PXDN: variants seen among roughly 807,000 people sequenced by gnomAD.
PXDN encodes peroxidasin homolog.
In PXDN, 77 loss-of-function variants were observed where a neutral mutation model predicts 140.3. The ratio of observed to expected loss-of-function variants is 0.55; its 90% CI spans 0.46 to 0.66. The LOEUF is 0.66. Among genes scored for constraint, PXDN ranks in the 30% least tolerant of loss-of-function variants. The pLI is 0.00. For missense variants in PXDN, 1,838 were observed against 2,039.5 expected (o/e 0.90, Z 1.90); for synonymous variants, 911 against 857.4 (o/e 1.06, Z -1.09).
chr2:1,706,062 G>A (rs1684598823), intron 1 of PXDN, among the ~76,000 whole-genome samples: 1 of 152,172 alleles, frequency 6.6e-6, no homozygotes, highest in South Asian at 2.1e-4. Flanking sequence ...CTCAGTCAGA[G>A]CGAGAACTTG....
rs530901488 is a variant in PXDN at position 1,660,390 on chromosome 2, C to A, written c.1837+491G>T. ...GTCAGGACGGCTCTAGGACCACCGA[C>A]TGGATCTATGTAAGGCTGCCTACGA... On this transcript the variant is annotated intron_variant, in intron 14 of 22. Coordinates refer to ENST00000252804, the MANE Select transcript of PXDN (RefSeq NM_012293.3). The surrounding 1 kb of genome is among the most constrained non-coding windows in gnomAD (Gnocchi z 4.6). Among the ~76,000 whole-genome samples the A allele has an allele frequency of 3.5e-4, 54 of 152,260 alleles. No homozygotes were observed. The highest frequency in any genetic ancestry group is 5.7e-4 in the Non-Finnish European group (39 of 68,034).
chr2:1,731,390 G>A (rs1433633465), intron 1 of PXDN, among the ~76,000 whole-genome samples: 1 of 151,956 alleles, frequency 6.6e-6, no homozygotes, highest in African/African-American at 2.4e-5. Context: ...GGGTTGAGAC[G>A]TGTGCTGTCT....
At chr2:1,696,631 T>C (rs770311354) in intron 1 of PXDN, among the ~76,000 whole-genome samples, 7 of 152,194 alleles carry the variant, frequency 4.6e-5, no homozygotes, top group Non-Finnish European at 7.3e-5. Context: ...CACCAATAGT[T>C]ATACCACACA....
chr2:1,676,851 G>T, intron 8 of PXDN, 76 bp downstream of exon 8: 1 of 1,338,264 alleles, frequency 7.5e-7, no homozygotes, highest in Non-Finnish European at 1.1e-6. Context: ...CCTTGGTGGG[G>T]AGTGAGGTGT....
At chr2:1,662,661 C>T (rs1159835168) in intron 12 of PXDN, among the ~76,000 whole-genome samples, 1 of 152,210 alleles carries the variant, frequency 6.6e-6, no homozygotes, top group Non-Finnish European at 1.5e-5. Context: ...ATCTGGGGAG[C>T]CGTTCAGGAA....
chr2:1,713,665 C>T (rs1558522583), intron 1 of PXDN, among the ~76,000 whole-genome samples: 2 of 152,310 alleles, frequency 1.3e-5, no homozygotes, highest in African/African-American at 4.8e-5. Flanking sequence ...TCGGTCCCCC[C>T]GAATGCTCGT....
intron 1 of PXDN, among the ~76,000 whole-genome samples, chr2:1,723,035 G>T (rs1685089969): frequency 6.6e-6 from 1 of 152,110 alleles, no homozygotes; most frequent in Non-Finnish European, 1.5e-5. Context: ...CAGATGGATG[G>T]ACTAATGAAT....
In PXDN at chr2:1,648,074, C is replaced by T; in HGVS notation, c.3608+98G>A. Reference sequence around the variant, plus strand: ...TCATCTCACCTCTGCACGACACGAACAAAACTCACACACAGAGACAAATAA... The same window carrying T: ...TCATCTCACCTCTGCACGACACGAATAAAACTCACACACAGAGACAAATAA... On this transcript the variant is annotated intron_variant, in intron 17 of 22. Coordinates refer to ENST00000252804, the MANE Select transcript of PXDN (RefSeq NM_012293.3). This position sits in a 1 kb window ranked among gnomAD's most constrained non-coding sequence, Gnocchi z 8.9. The T allele has an allele frequency of 6.8e-7, 1 of 1,477,242 alleles. No individual in the cohort carries two copies. Among genetic ancestry groups the T allele is most frequent in the Non-Finnish European group, 9.2e-7 (1 of 1,086,836 alleles). The allele number at this position is 1,477,242 out of a possible 1,614,324, so 91.5% of individuals were successfully genotyped here.
At chr2:1,661,274 AG>A (rs1452573125) in intron 13 of PXDN, among the ~76,000 whole-genome samples, 1 of 152,220 alleles carries the variant, frequency 6.6e-6, no homozygotes, top group African/African-American at 2.4e-5. Context: ...AGAGCTTGAC[AG>A]CTTGAGGCAA....
chr2:1,700,432 T>C (rs1044600432), intron 1 of PXDN, among the ~76,000 whole-genome samples: 5 of 152,124 alleles, frequency 3.3e-5, no homozygotes, highest in African/African-American at 9.7e-5. Flanking sequence ...TTTGATCACA[T>C]TTGGGTCACG....
intron 1 of PXDN, among the ~76,000 whole-genome samples, chr2:1,708,012 T>A (rs1297655739): frequency 6.6e-6 from 1 of 152,162 alleles, no homozygotes; most frequent in Non-Finnish European, 1.5e-5. Context: ...GCTGGAACAA[T>A]GAGCTTTGTC....
chr2:1,701,607 C>A (rs1226233888), intron 1 of PXDN, among the ~76,000 whole-genome samples: 2 of 150,684 alleles, frequency 1.3e-5, no homozygotes, highest in Non-Finnish European at 3.0e-5. Flanking sequence ...GTGGGAGGTG[C>A]GGAATGGGGT....
Position 1,666,379 on chromosome 2 carries a change from T to A in PXDN, c.1126A>T (p.Thr376Ser), listed in dbSNP as rs1314888706. ...GGCAAGGGTGTGCGGTCACCTCTCG[T>A]CCAGGAGATCCGCGGCGGGGGGTGG... ...TGHPPPRISW[T>S]RGDRTPLPVD... The change falls in exon 10 of 23, where the codon ACG (threonine) becomes TCG (serine). Residue 376 changes from threonine to serine, a missense_variant. By Grantham distance (58) the Thr-to-Ser change is moderately conservative. Around this residue, in one of 5 missense-constraint regions of PXDN, gnomAD observed 208 missense variants for 325.8 expected, o/e 0.64. Transcript: ENST00000252804. The A allele has an allele frequency of 6.2e-7, 1 of 1,613,530 alleles. No homozygotes were observed. The highest frequency in any genetic ancestry group is 1.3e-5 in the African/African-American group (1 of 74,944).
chr2:1,725,507 A>G (rs1242993431), intron 1 of PXDN, among the ~76,000 whole-genome samples: 2 of 152,170 alleles, frequency 1.3e-5, no homozygotes, highest in East Asian at 3.9e-4. Context: ...CATTCAGGAC[A>G]TAGGCATGGG....
At chr2:1,708,172 T>A (rs1684665151) in intron 1 of PXDN, among the ~76,000 whole-genome samples, 1 of 152,250 alleles carries the variant, frequency 6.6e-6, no homozygotes, top group Non-Finnish European at 1.5e-5. Flanking sequence ...GGGGCTGGGC[T>A]GGCTGTCGGC....
In PXDN at chr2:1,744,402, C is replaced by T. The variant is rs1170629005; in HGVS notation, c.54G>A (p.Leu18=). 1.3e-6 allele frequency: 2 copies of T among 1,519,090 alleles called. No homozygotes were observed. The highest frequency in any genetic ancestry group is 1.4e-5 in the African/African-American group (1 of 70,418). 94.1% of individuals were successfully genotyped at this position (1,519,090 alleles called of 1,614,324 possible). A position where few individuals can be genotyped will look rare whatever the true frequency, so the allele number is the denominator to read the frequency against. ...PGRRCLLALV[L]FCAWGTLAVV... is the part of the protein sequence containing the mutation. ...CGGCCAGCGTCCCCCAGGCGCAGAACAGCACGAGCGCCAACAGGCAGCGGC... is the reference window on the plus strand; with the variant it reads ...CGGCCAGCGTCCCCCAGGCGCAGAATAGCACGAGCGCCAACAGGCAGCGGC... The change falls in exon 1 of 23, where the codon CTG becomes CTA. Residue 18 remains leucine, a synonymous_variant. Coordinates refer to ENST00000252804, the MANE Select transcript of PXDN (RefSeq NM_012293.3).
chr2:1,674,251 C>T (rs910605380), intron 8 of PXDN, among the ~76,000 whole-genome samples: 1 of 152,190 alleles, frequency 6.6e-6, no homozygotes, highest in Non-Finnish European at 1.5e-5. Context: ...ACTCTGCAGC[C>T]CAGGCTGGAG....
In PXDN at chr2:1,709,061, G is replaced by A. The variant is rs997130462; in HGVS notation, c.201-15927C>T. Among the ~76,000 whole-genome samples the A allele has an allele frequency of 6.6e-5, 10 of 152,160 alleles. No homozygotes were observed. The East Asian group carries it at 7.7e-4, about 12-fold the overall frequency. On this transcript the variant is annotated intron_variant, in intron 1 of 22. Transcript: ENST00000252804. The stretch of plus-strand genomic sequence containing the variant: ...GGAGCTGGTGGCCGGTCTTCCCCAC[G>A]GGAGCCAGGCTCCGTCTGGTCCCTG...
chr2:1,684,727 T>C (rs1442275351), intron 4 of PXDN, among the ~76,000 whole-genome samples: 1 of 152,250 alleles, frequency 6.6e-6, no homozygotes, highest in African/African-American at 2.4e-5. Flanking sequence ...TGTCGTTGAT[T>C]GTACAGAATA....
Sources: allele counts gnomAD v4.1 joint callset (sites outside exome capture counted in the v4.1 genomes callset), GRCh38; gene constraint gnomAD v4.1.1; regional missense constraint gnomAD v4.1.1; non-coding constraint Gnocchi (gnomAD v3.1); transcripts MANE v1.5; gene names NCBI Gene and HGNC (gene_info 2026-07-23, HGNC 2026-07-21).